AGPAT4: variants seen among roughly 807,000 people sequenced by gnomAD.
AGPAT4 encodes the protein 1-acyl-sn-glycerol-3-phosphate acyltransferase delta.
A neutral mutation model predicts 48.0 loss-of-function variants in AGPAT4; 15 were observed. That is an observed-to-expected ratio of 0.31 (90% CI 0.21 to 0.48). The LOEUF is 0.48. AGPAT4 is among the 20% of genes least tolerant of loss of function. The pLI is 0.99. For synonymous variants in AGPAT4, 178 were observed against 198.7 expected (o/e 0.90, Z 0.88); for missense variants, 314 against 482.5 (o/e 0.65, Z 3.27).
rs1779696840 is a variant in AGPAT4, at chr6:161,154,229, A to T, written c.430T>A (p.Cys144Ser). 6.2e-7 allele frequency: 1 copy of T among 1,614,150 alleles called. No individual in the cohort carries two copies. Among genetic ancestry groups the T allele is most frequent in the Non-Finnish European group, 8.5e-7 (1 of 1,180,030 alleles). The change falls in exon 4 of 9, where the codon TGT (cysteine) becomes AGT (serine). Residue 144 changes from cysteine to serine, a missense_variant. Cys to Ser is a moderately radical substitution (Grantham distance 112). Coordinates refer to ENST00000320285, the MANE Select transcript of AGPAT4 (RefSeq NM_020133.3). This position sits in a 1 kb window ranked among gnomAD's most constrained non-coding sequence, Gnocchi z 7.8. The part of the protein sequence containing the change: ...WMWYFTEMVF[C>S]SRKWEQDRKT... ...CGATCCTGCTCCCACTTGCGCGAAC[A>T]GAAGACCATCTCGGTGAAGTACCAC...
At chr6:161,256,162 C>T (rs1316290490) in intron 1 of AGPAT4, among the ~76,000 whole-genome samples, 1 of 152,140 alleles carries the variant, frequency 6.6e-6, no homozygotes, top group Admixed American at 6.5e-5. Context: ...AGATCCCCCT[C>T]AACTGAAATG....
chr6:161,158,618 G>A lies in AGPAT4; in HGVS notation c.349-4308C>T, dbSNP rs1188414245. 2.6e-5 allele frequency among the ~76,000 whole-genome samples: 4 copies of A among 152,166 alleles called. No homozygotes were observed. In the East Asian group the frequency reaches 7.7e-4, roughly 29 times the overall value. ...GACCTGGTCTGCATCTCTGGCAAGT[G>A]GGCCAGCCCTTGCAGAGACCCTGGA... On this transcript the variant is annotated intron_variant, in intron 3 of 8. Coordinates refer to ENST00000320285, the MANE Select transcript of AGPAT4 (RefSeq NM_020133.3). The surrounding 1 kb of genome is among the most constrained non-coding windows in gnomAD (Gnocchi z 5.3).
chr6:161,156,103 G>A (rs1048846345), intron 3 of AGPAT4, among the ~76,000 whole-genome samples: 12 of 152,222 alleles, frequency 7.9e-5, no homozygotes, highest in Admixed American at 2.6e-4. Context: ...ATCTAGACCC[G>A]TAGATGGTCA....
At position 161,164,060 on chromosome 6, in the gene AGPAT4, G is replaced by C. The variant is rs533180354; in HGVS notation, c.348+2188C>G. Among the ~76,000 whole-genome samples, 1 of 152,210 alleles carries C rather than the reference G, an allele frequency of 6.6e-6. No individual in the cohort carries two copies. The highest frequency in any genetic ancestry group is 2.1e-4 in the South Asian group (1 of 4,834). ...GGTGCGGTCCCTATGCTGCAGGTGG[G>C]ATGGGCGTGCTGTTGACTTGCTTTC... On this transcript the variant is annotated intron_variant, in intron 3 of 8. Coordinates refer to ENST00000320285, the MANE Select transcript of AGPAT4 (RefSeq NM_020133.3). This position sits in a 1 kb window ranked among gnomAD's most constrained non-coding sequence, Gnocchi z 7.4.
Position 161,141,314 on chromosome 6 carries a change from ACAT to A in AGPAT4, c.844-1697_844-1695del, listed in dbSNP as rs1161946827. On this transcript the variant is annotated intron_variant, in intron 7 of 8. Transcript: ENST00000320285. The surrounding 1 kb of genome is among the most constrained non-coding windows in gnomAD (Gnocchi z 6.7). Reference sequence around the variant, plus strand: ...GCCATGGGGGCTCTCAGGGGAAGTCACATCATCAAGCAACTGAAGAACAATCAA... The same window carrying A: ...GCCATGGGGGCTCTCAGGGGAAGTCACATCAAGCAACTGAAGAACAATCAA... Among the ~76,000 whole-genome samples, 3 of 152,100 alleles carry A rather than the reference ACAT, an allele frequency of 2.0e-5. No homozygotes were observed. Among genetic ancestry groups the A allele is most frequent in the East Asian group, 3.9e-4 (2 of 5,156 alleles).
Position 161,222,922 on chromosome 6 carries a change from G to A in AGPAT4, c.178+9114C>T, listed in dbSNP as rs992825572. Among the ~76,000 whole-genome samples, 3 of 152,152 alleles carry A rather than the reference G, an allele frequency of 2.0e-5. No homozygotes were observed. Among genetic ancestry groups the A allele is most frequent in the African/African-American group, 7.2e-5 (3 of 41,430 alleles). The stretch of plus-strand genomic sequence containing the variant: ...GAATAAACCCATTTAGCCACTTGGT[G>A]ATGCCAGCATATGCTCCTGCCACCT... On this transcript the variant is annotated intron_variant, in intron 2 of 8. Transcript: ENST00000320285. This position sits in a 1 kb window ranked among gnomAD's most constrained non-coding sequence, Gnocchi z 5.9.
chr6:161,146,468 A>G lies in AGPAT4; in HGVS notation c.843+56T>C. ...AGGCCTGCTACCACACAACACAGCC[A>G]CACGGCGCACCCACAGCTGCAACGT... On this transcript the variant is annotated intron_variant, in intron 7 of 8. Coordinates refer to ENST00000320285, the MANE Select transcript of AGPAT4 (RefSeq NM_020133.3). The surrounding 1 kb of genome is among the most constrained non-coding windows in gnomAD (Gnocchi z 7.1). 3.8e-6 allele frequency: 6 copies of G among 1,566,416 alleles called. No homozygotes were observed. The highest frequency in any genetic ancestry group is 5.3e-6 in the Non-Finnish European group (6 of 1,141,150).
In AGPAT4 at chr6:161,164,081, C is replaced by T. The variant is rs1780021203; in HGVS notation, c.348+2167G>A. 6.6e-6 allele frequency among the ~76,000 whole-genome samples: 1 copy of T among 152,218 alleles called. No homozygotes were observed. The highest frequency in any genetic ancestry group is 6.5e-5 in the Admixed American group (1 of 15,288). On this transcript the variant is annotated intron_variant, in intron 3 of 8. Coordinates refer to ENST00000320285, the MANE Select transcript of AGPAT4 (RefSeq NM_020133.3). The surrounding 1 kb of genome is among the most constrained non-coding windows in gnomAD (Gnocchi z 7.4). ...GTGGGATGGGCGTGCTGTTGACTTGCTTTCCCGCCATCAGCGCTCCCGCCC... is the reference window on the plus strand; with the variant it reads ...GTGGGATGGGCGTGCTGTTGACTTGTTTTCCCGCCATCAGCGCTCCCGCCC...
At position 161,153,457 on chromosome 6, in the gene AGPAT4, G is replaced by A; in HGVS notation, c.553C>T (p.His185Tyr). Residue 185 changes from histidine (H) to tyrosine (Y), a missense_variant, in exon 5 of 9, where the codon CAT becomes TAT. By Grantham distance (83) the His-to-Tyr change is moderately conservative. Coordinates refer to ENST00000320285, the MANE Select transcript of AGPAT4 (RefSeq NM_020133.3). ...CGGGCCACCTGCATGCTGATCTCATGCTTCTTCTCCGTGAACCGTGTGCCC... is the reference window on the plus strand; with the variant it reads ...CGGGCCACCTGCATGCTGATCTCATACTTCTTCTCCGTGAACCGTGTGCCC... Reference protein sequence around the residue: ...CEGTRFTEKKHEISMQVARAK... With the variant: ...CEGTRFTEKKYEISMQVARAK... 2 of 1,613,504 alleles carry A rather than the reference G, an allele frequency of 1.2e-6. No individual in the cohort carries two copies. Among genetic ancestry groups the A allele is most frequent in the Non-Finnish European group, 1.7e-6 (2 of 1,179,824 alleles).
rs766820055 is a variant in AGPAT4, at chr6:161,270,438, G to A, written c.-90+3500C>T. On this transcript the variant is annotated intron_variant, in intron 1 of 8. Coordinates refer to ENST00000320285, the MANE Select transcript of AGPAT4 (RefSeq NM_020133.3). This position sits in a 1 kb window ranked among gnomAD's most constrained non-coding sequence, Gnocchi z 5.3. ...TTTCAAAATAGGAGTGATGAAAGGC[G>A]TTTCACCAAAGATTTAGAGGTCAAA... 6.6e-5 allele frequency among the ~76,000 whole-genome samples: 10 copies of A among 152,122 alleles called. No homozygotes were observed. Among genetic ancestry groups the A allele is most frequent in the Admixed American group, 1.3e-4 (2 of 15,274 alleles).
At chr6:161,163,866 C>A (rs1354859636) in intron 3 of AGPAT4, among the ~76,000 whole-genome samples, 1 of 152,200 alleles carries the variant, frequency 6.6e-6, no homozygotes, top group Non-Finnish European at 1.5e-5. Context: ...GGCTCCCAGA[C>A]CTGCCTATTT....
intron 1 of AGPAT4, among the ~76,000 whole-genome samples, chr6:161,237,111 G>A (rs753748429): frequency 3.3e-5 from 5 of 152,180 alleles, no homozygotes; most frequent in African/African-American, 7.2e-5. Context: ...TGACCCATGA[G>A]CTCAATATGC....
rs1403904353 is a variant in AGPAT4, at chr6:161,215,185, A to G, written c.178+16851T>C. 6.6e-6 allele frequency among the ~76,000 whole-genome samples: 1 copy of G among 152,248 alleles called. No individual in the cohort carries two copies. The highest frequency in any genetic ancestry group is 1.9e-4 in the East Asian group (1 of 5,202). The stretch of plus-strand genomic sequence containing the variant: ...GAGTCTTCACAATTTGGCAAGCTAC[A>G]TTAATGACCCTATTTAACTTATGAT... On this transcript the variant is annotated intron_variant, in intron 2 of 8. Coordinates refer to ENST00000320285, the MANE Select transcript of AGPAT4 (RefSeq NM_020133.3). This position sits in a 1 kb window ranked among gnomAD's most constrained non-coding sequence, Gnocchi z 4.5.
At position 161,132,136 on chromosome 6, in the gene AGPAT4, C is replaced by T. The variant is rs1778919891; in HGVS notation, c.*4404G>A. Reference sequence around the variant, plus strand: ...GAGGGATTGGCATTTGTAAAGACTGCTTGCTTACCCTTTGTCTGGCATGCA... The same window carrying T: ...GAGGGATTGGCATTTGTAAAGACTGTTTGCTTACCCTTTGTCTGGCATGCA... On this transcript the variant is annotated 3_prime_UTR_variant, in exon 9 of 9. Coordinates refer to ENST00000320285, the MANE Select transcript of AGPAT4 (RefSeq NM_020133.3). 1 of 152,184 alleles carries T rather than the reference C, an allele frequency of 6.6e-6. No individual in the cohort carries two copies. Among genetic ancestry groups the T allele is most frequent in the Non-Finnish European group, 1.5e-5 (1 of 68,038 alleles). The allele number at this position is 152,184 out of a possible 1,614,324, so 9.4% of individuals were successfully genotyped here.
Position 161,139,411 on chromosome 6 carries a change from C to G in AGPAT4, c.1042+11G>C, listed in dbSNP as rs1779177603. 2 of 1,613,386 alleles carry G rather than the reference C, an allele frequency of 1.2e-6. No individual in the cohort carries two copies. The highest frequency in any genetic ancestry group is 1.6e-4 in the Middle Eastern group (1 of 6,078). Reference sequence around the variant, plus strand: ...CTGTCAGCACCCACCAGCCCCTTGCCCTCCACTCACCCACAAAGAAGACGA... The same window carrying G: ...CTGTCAGCACCCACCAGCCCCTTGCGCTCCACTCACCCACAAAGAAGACGA... On this transcript the variant is annotated intron_variant, in intron 8 of 8. Coordinates refer to ENST00000320285, the MANE Select transcript of AGPAT4 (RefSeq NM_020133.3). The surrounding 1 kb of genome is among the most constrained non-coding windows in gnomAD (Gnocchi z 9.1).
At chr6:161,194,071 T>C (rs1034238886) in intron 2 of AGPAT4, among the ~76,000 whole-genome samples, 1 of 152,190 alleles carries the variant, frequency 6.6e-6, no homozygotes, top group African/African-American at 2.4e-5. Flanking sequence ...CTGCTGAACA[T>C]GTGAAATGTG....
At position 161,192,034 on chromosome 6, in the gene AGPAT4, CCT is replaced by C. The variant is rs1491240766; in HGVS notation, c.179-25619_179-25618del. ...CAAGGATTGTCCTATTTTGTGCATT[CCT>C]TTTTTTTTTTTTTTGTCTCATGTTT... On this transcript the variant is annotated intron_variant, in intron 2 of 8. Coordinates refer to ENST00000320285, the MANE Select transcript of AGPAT4 (RefSeq NM_020133.3). Among the ~76,000 whole-genome samples the C allele has an allele frequency of 2.2e-3, 290 of 131,936 alleles. 1 individual carries two copies. Among genetic ancestry groups the C allele is most frequent in the African/African-American group, 9.5e-3 (270 of 28,432 alleles). The allele number at this position is 131,936 out of a possible 152,430, so 86.6% of individuals were successfully genotyped here.
intron 2 of AGPAT4, among the ~76,000 whole-genome samples, chr6:161,207,012 T>C (rs186025515): frequency 7.9e-5 from 12 of 152,324 alleles, no homozygotes; most frequent in Admixed American, 7.8e-4. Context: ...CTTTCAGTTA[T>C]CTAATGGAAT....
chr6:161,188,578 T>C (rs1780833364), intron 2 of AGPAT4, among the ~76,000 whole-genome samples: 1 of 152,208 alleles, frequency 6.6e-6, no homozygotes, highest in Non-Finnish European at 1.5e-5. Context: ...CACGCAATAC[T>C]AAACGACATT....
Sources: allele counts gnomAD v4.1 joint callset (sites outside exome capture counted in the v4.1 genomes callset), GRCh38; gene constraint gnomAD v4.1.1; non-coding constraint Gnocchi (gnomAD v3.1); transcripts MANE v1.5; gene names NCBI Gene and HGNC (gene_info 2026-07-23, HGNC 2026-07-21).